CCDC50: variants seen among roughly 807,000 people sequenced by gnomAD.
The protein encoded by CCDC50 is coiled-coil domain containing 50, also known as coiled-coil domain-containing protein 50.
A neutral mutation model predicts 70.2 loss-of-function variants in CCDC50; 54 were observed. The observed-to-expected ratio is 0.77, with a 90% confidence interval of 0.62 to 0.96. The LOEUF (loss-of-function observed/expected upper bound fraction) is 0.96, where lower values mean the gene tolerates loss of function less well. CCDC50 is among the 50% of genes least tolerant of loss of function. The pLI is 0.00. For missense variants in CCDC50, 558 were observed against 578.7 expected (o/e 0.96, Z 0.37); for synonymous variants, 216 against 198.8 (o/e 1.09, Z -0.73).
chr3:191,391,035 TAGAA>T (rs1182769516), intron 11 of CCDC50, among the ~76,000 whole-genome samples: 6 of 152,330 alleles, frequency 3.9e-5, no homozygotes, highest in East Asian at 1.9e-4. Flanking sequence ...GCAGTCTAAA[TAGAA>T]AGTGTCAGAG....
At chr3:191,369,886 ATGTGTATT>A (rs745394797) in intron 4 of CCDC50, 25 bp from the exon 5 acceptor site, 12 of 1,470,238 alleles carry the variant, frequency 8.2e-6, no homozygotes, top group Non-Finnish European at 1.0e-5. Context: ...TTCTTTGGTA[ATGTGTATT>A]TCCATTCTCC....
At chr3:191,359,010 C>T (rs1014269938) in intron 3 of CCDC50, among the ~76,000 whole-genome samples, 2 of 152,130 alleles carry the variant, frequency 1.3e-5, no homozygotes, top group East Asian at 3.8e-4. Flanking sequence ...TGTAAATAAA[C>T]ACTTTTATTG....
intron 3 of CCDC50, 36 bp from the exon 4 acceptor site, chr3:191,361,033 A>C: frequency 7.3e-7 from 1 of 1,374,316 alleles, no homozygotes. Flanking sequence ...ATTATTTTTT[A>C]TTTTCCTTAT....
rs113972308 is a variant in CCDC50 at position 191,351,944 on chromosome 3, G to A, written c.50-5144G>A. Among the ~76,000 whole-genome samples the A allele has an allele frequency of 1.4e-3, 171 of 122,104 alleles. 10 individuals are homozygous for A. The highest frequency in any genetic ancestry group is 4.9e-3 in the African/African-American group (153 of 31,530). The allele number at this position is 122,104 out of a possible 152,430, so 80.1% of individuals were successfully genotyped here. A position where few individuals can be genotyped will look rare whatever the true frequency, so the allele number is the denominator to read the frequency against. ...GACCCCTTTGCCAAGAATGTTTACC[G>A]CTTCTGTGCATAGGAATTTTAACTT... On this transcript the variant is annotated intron_variant, in intron 1 of 11. Coordinates refer to ENST00000392455, the MANE Select transcript of CCDC50 (RefSeq NM_178335.3).
At position 191,361,174 on chromosome 3, in the gene CCDC50, C is replaced by T; in HGVS notation, c.330+15C>T. On this transcript the variant is annotated intron_variant, in intron 4 of 11. Coordinates refer to ENST00000392455, the MANE Select transcript of CCDC50 (RefSeq NM_178335.3). ...AGAAGGATGAGGTATAACTTAGTTA[C>T]TGCCCCTCTCCCTCATGGAGAAAGG... is the stretch of plus-strand genomic sequence containing the variant. 6.3e-7 allele frequency: 1 copy of T among 1,578,312 alleles called. No homozygotes were observed. The highest frequency in any genetic ancestry group is 8.7e-7 in the Non-Finnish European group (1 of 1,147,430).
At position 191,392,667 on chromosome 3, in the gene CCDC50, T is replaced by A; in HGVS notation, c.*907T>A. 1 of 152,230 alleles carries A rather than the reference T, an allele frequency of 6.6e-6. No homozygotes were observed. Among genetic ancestry groups the A allele is most frequent in the East Asian group, 1.9e-4 (1 of 5,202 alleles). 9.4% of individuals were successfully genotyped at this position (152,230 alleles called of 1,614,324 possible). A position where few individuals can be genotyped will look rare whatever the true frequency, so the allele number is the denominator to read the frequency against. On this transcript the variant is annotated 3_prime_UTR_variant, in exon 12 of 12. Transcript: ENST00000392455. The stretch of plus-strand genomic sequence containing the variant: ...CAATAATGTTTGGTTTACATGCCAG[T>A]AATTAAATTAATTCAACATGAAGTT...
intron 2 of CCDC50, 151 bp from the exon 3 acceptor site, chr3:191,357,847 C>T: frequency 3.1e-6 from 3 of 975,010 alleles, no homozygotes; most frequent in Non-Finnish European, 4.8e-6. Context: ...ATAATAATTC[C>T]TTGCTCTTTA....
At chr3:191,332,615 G>C (rs1171540086) in intron 1 of CCDC50, among the ~76,000 whole-genome samples, 1 of 152,232 alleles carries the variant, frequency 6.6e-6, no homozygotes, top group Admixed American at 6.5e-5. Context: ...GAATGTTAGG[G>C]AAAGGAACAG....
chr3:191,377,114 T>C (rs1008481960), intron 6 of CCDC50, among the ~76,000 whole-genome samples: 1 of 152,168 alleles, frequency 6.6e-6, no homozygotes, highest in African/African-American at 2.4e-5. Flanking sequence ...CAGGCGGATA[T>C]TAAAACGACT....
chr3:191,359,816 G>C (rs1305050552), intron 3 of CCDC50, among the ~76,000 whole-genome samples: 2 of 150,408 alleles, frequency 1.3e-5, no homozygotes, highest in Admixed American at 1.3e-4. Context: ...TTCTCTGTTA[G>C]AAAGGCCAGT....
Position 191,389,484 on chromosome 3 carries a change from G to T in CCDC50, c.1323-12G>T. 1 of 1,609,012 alleles carries T rather than the reference G, an allele frequency of 6.2e-7. No homozygotes were observed. The highest frequency in any genetic ancestry group is 8.5e-7 in the Non-Finnish European group (1 of 1,175,320). On this transcript the variant is annotated splice_polypyrimidine_tract_variant and intron_variant, in intron 10 of 11. Coordinates refer to ENST00000392455, the MANE Select transcript of CCDC50 (RefSeq NM_178335.3). ...ACTTAGAATGCCCCTTTAAATTCTG[G>T]ATTCCTTTTAGGCCACCACCACCTA...
At chr3:191,346,560 T>A (rs1484426568) in intron 1 of CCDC50, among the ~76,000 whole-genome samples, 2 of 152,182 alleles carry the variant, frequency 1.3e-5, no homozygotes, top group African/African-American at 4.8e-5. Context: ...ATATGCTACA[T>A]GGATGATTAT....
At chr3:191,378,234 T>C (rs1212217149) in intron 6 of CCDC50, among the ~76,000 whole-genome samples, 1 of 152,136 alleles carries the variant, frequency 6.6e-6, no homozygotes, top group African/African-American at 2.4e-5. Context: ...AGATTCTGAC[T>C]CTTACTAAGT....
rs1219573136 is a variant in CCDC50, at chr3:191,393,377, A to T, written c.*1617A>T. The T allele has an allele frequency of 1.3e-5, 2 of 152,046 alleles. No individual in the cohort carries two copies. Among genetic ancestry groups the T allele is most frequent in the African/African-American group, 2.4e-5 (1 of 41,400 alleles). The allele number at this position is 152,046 out of a possible 1,614,324, so 9.4% of individuals were successfully genotyped here. A position where few individuals can be genotyped will look rare whatever the true frequency, so the allele number is the denominator to read the frequency against. On this transcript the variant is annotated 3_prime_UTR_variant, in exon 12 of 12. Transcript: ENST00000392455. Reference sequence around the variant, plus strand: ...TGTAGGTCACTAGAGAAAAATGTTAATTTTTTTCCCACTGTGAATTGCCTT... The same window carrying T: ...TGTAGGTCACTAGAGAAAAATGTTATTTTTTTTCCCACTGTGAATTGCCTT...
In CCDC50 at chr3:191,329,583, G is replaced by C. The variant is rs970945956; in HGVS notation, c.-92G>C. ...CCCTGCCGGCCGGACTTTGCGCCGC[G>C]TCCGGCGCTGCTGCTGCGCTCGGGG... On this transcript the variant is annotated 5_prime_UTR_variant, in exon 1 of 12. Coordinates refer to ENST00000392455, the MANE Select transcript of CCDC50 (RefSeq NM_178335.3). The C allele has an allele frequency of 3.6e-6, 5 of 1,372,702 alleles. No individual in the cohort carries two copies. The highest frequency in any genetic ancestry group is 5.0e-6 in the Non-Finnish European group (5 of 1,004,550). 85.0% of individuals were successfully genotyped at this position (1,372,702 alleles called of 1,614,324 possible).
rs748305752 is a variant in CCDC50 at position 191,380,723 on chromosome 3, C to G, written c.1129C>G (p.Gln377Glu). 1.2e-6 allele frequency: 2 copies of G among 1,612,616 alleles called. No individual in the cohort carries two copies. Among genetic ancestry groups the G allele is most frequent in the Non-Finnish European group, 1.7e-6 (2 of 1,179,196 alleles). Reference protein sequence around the residue: ...QVDMRAAQVAQDEEIARLLMA... With the variant: ...QVDMRAAQVAEDEEIARLLMA... The stretch of plus-strand genomic sequence containing the variant: ...GGACATGAGAGCCGCTCAAGTAGCT[C>G]AAGATGAAGTAAGTTAATGAGTTTA... Residue 377 changes from glutamine (Q) to glutamate (E), a missense_variant, in exon 8 of 12, where the codon CAA (glutamine) becomes GAA (glutamate). Gln to Glu is a conservative substitution (Grantham distance 29). Transcript: ENST00000392455.
At position 191,357,081 on chromosome 3, in the gene CCDC50, A is replaced by C. The variant is rs1163045631; in HGVS notation, c.50-7A>C. On this transcript the variant is annotated splice_region_variant and splice_polypyrimidine_tract_variant and intron_variant, in intron 1 of 11. Transcript: ENST00000392455. The stretch of plus-strand genomic sequence containing the variant: ...CTTCCTGTCTGTTTTTCCTCCATCT[A>C]CTCTAGTATGCCGAGATTTTGCTGT... The C allele has an allele frequency of 1.3e-6, 2 of 1,597,846 alleles. No homozygotes were observed. Among genetic ancestry groups the C allele is most frequent in the African/African-American group, 2.7e-5 (2 of 74,120 alleles).
chr3:191,344,236 T>C (rs938008927), intron 1 of CCDC50, among the ~76,000 whole-genome samples: 1 of 152,186 alleles, frequency 6.6e-6, no homozygotes, highest in African/African-American at 2.4e-5. Flanking sequence ...AGTGGTCCAG[T>C]TGTCTAAATT....
intron 1 of CCDC50, among the ~76,000 whole-genome samples, chr3:191,346,722 G>A (rs1711938903): frequency 6.6e-6 from 1 of 152,174 alleles, no homozygotes; most frequent in African/African-American, 2.4e-5. Context: ...TTTGAAGACA[G>A]TTTTACCTCT....
Sources: gnomAD v4.1 joint callset for allele counts (sites outside exome capture counted in the v4.1 genomes callset) on GRCh38, gnomAD v4.1.1 for gene constraint, MANE v1.5 for transcripts, NCBI Gene and HGNC (gene_info 2026-07-23, HGNC 2026-07-21) for gene names.